DNAJC12: variants seen among roughly 807,000 people sequenced by gnomAD.
DNAJC12 encodes the protein dnaJ homolog subfamily C member 12.
A neutral mutation model predicts 28.5 loss-of-function variants in DNAJC12; 25 were observed. The observed-to-expected ratio is 0.88, with a 90% confidence interval of 0.64 to 1.22. DNAJC12 has a LOEUF of 1.22. Ranked by LOEUF, DNAJC12 falls within the 50% of genes most tolerant of loss-of-function variation. The pLI, the probability that DNAJC12 is intolerant of heterozygous loss-of-function variation, is 0.00. For synonymous variants in DNAJC12, 77 were observed against 80.6 expected, an observed-to-expected ratio of 0.95 and a Z score of 0.24; for missense variants, 222 against 231.7, an observed-to-expected ratio of 0.96 and a Z score of 0.27.
chr10:67,823,464 C>G (rs1229856823), intron 1 of DNAJC12, 72 bp from the exon 2 acceptor site: 6 of 1,299,450 alleles, frequency 4.6e-6, no homozygotes, highest in African/African-American at 1.5e-5. Context: ...AATCTCAACA[C>G]TTTGGGAGGC....
intron 1 of DNAJC12, among the ~76,000 whole-genome samples, chr10:67,823,898 C>T (rs1249844095): frequency 6.6e-6 from 1 of 152,084 alleles, no homozygotes; most frequent in Non-Finnish European, 1.5e-5. Context: ...GACAATTTAA[C>T]TACTTAATTT....
At chr10:67,826,449 A>AATGCATATATATAT (rs1389281274) in intron 1 of DNAJC12, among the ~76,000 whole-genome samples, 17 of 117,414 alleles carry the variant, frequency 1.4e-4, no homozygotes, top group African/African-American at 5.0e-4. Flanking sequence ...ATGCACTTTT[A>AATGCATATATATAT]ATGCATATAT....
intron 2 of DNAJC12, 132 bp downstream of exon 2, chr10:67,823,182 A>C: frequency 1.4e-6 from 1 of 704,864 alleles, no homozygotes; most frequent in Non-Finnish European, 2.4e-6. Flanking sequence ...TCTATCATCC[A>C]ATAGTGCAAA....
At chr10:67,834,838 A>C (rs1017528873) in intron 1 of DNAJC12, among the ~76,000 whole-genome samples, 1 of 151,884 alleles carries the variant, frequency 6.6e-6, no homozygotes, top group Non-Finnish European at 1.5e-5. Context: ...CAAAAATTTA[A>C]AAAAAAAATC....
intron 2 of DNAJC12, among the ~76,000 whole-genome samples, chr10:67,815,578 A>G (rs1467676712): frequency 2.0e-5 from 3 of 152,100 alleles, no homozygotes; most frequent in African/African-American, 7.2e-5. Context: ...AAACAAATGA[A>G]CAAATAAAAG....
Position 67,819,237 on chromosome 10 carries a change from G to A in DNAJC12, c.157+4077C>T, listed in dbSNP as rs1207435728. Among the ~76,000 whole-genome samples, 5 of 152,196 alleles carry A rather than the reference G, an allele frequency of 3.3e-5. No individual in the cohort carries two copies. The South Asian group carries it at 6.2e-4, about 19-fold the overall frequency. ...AGTCCCAGCTACTCGGGAGGCTGAG[G>A]CAGGAGAATGGCGTAAACCCGGGAG... On this transcript the variant is annotated intron_variant, in intron 2 of 4. Transcript: ENST00000225171.
chr10:67,800,980 A>T (rs1440848818), intron 4 of DNAJC12, among the ~76,000 whole-genome samples: 1 of 152,144 alleles, frequency 6.6e-6, no homozygotes, highest in African/African-American at 2.4e-5. Context: ...TTACTCCAAG[A>T]TGTTACACAA....
chr10:67,819,731 G>C (rs1362369963), intron 2 of DNAJC12, among the ~76,000 whole-genome samples: 1 of 21,056 alleles, frequency 4.7e-5, no homozygotes, highest in African/African-American at 1.9e-4. Flanking sequence ...AGGAAGGAAG[G>C]AAGGAAGGAA....
chr10:67,797,607 T>C (rs1841687608), intron 4 of DNAJC12, among the ~76,000 whole-genome samples: 1 of 152,164 alleles, frequency 6.6e-6, no homozygotes, highest in Non-Finnish European at 1.5e-5. Flanking sequence ...TCCATGGTAA[T>C]AAGATTTTTT....
intron 3 of DNAJC12, among the ~76,000 whole-genome samples, chr10:67,809,357 C>A (rs1841836192): frequency 6.6e-6 from 1 of 152,132 alleles, no homozygotes; most frequent in Non-Finnish European, 1.5e-5. Flanking sequence ...TGGGATAACT[C>A]TTCAGGTTAT....
chr10:67,815,508 C>CAAAAAAAA (rs762037586), intron 2 of DNAJC12, among the ~76,000 whole-genome samples: 2 of 65,768 alleles, frequency 3.0e-5, no homozygotes, highest in African/African-American at 1.1e-4. Flanking sequence ...TACTTCGTCT[C>CAAAAAAAA]AAAAAAAAAA....
intron 1 of DNAJC12, among the ~76,000 whole-genome samples, chr10:67,832,609 T>C (rs1042455087): frequency 4.6e-5 from 7 of 152,110 alleles, no homozygotes; most frequent in Non-Finnish European, 7.4e-5. Context: ...TACTGAAGAA[T>C]TTCCTTACTG....
At chr10:67,834,073 C>A in intron 1 of DNAJC12, 1 of 458,800 alleles carries the variant, frequency 2.2e-6, no homozygotes, top group South Asian at 1.6e-5. Flanking sequence ...ACTAGAAGGT[C>A]AAGCTAAAAA....
chr10:67,828,475 A>G (rs906345256), intron 1 of DNAJC12, among the ~76,000 whole-genome samples: 2 of 152,128 alleles, frequency 1.3e-5, no homozygotes, highest in South Asian at 2.1e-4. Context: ...TCTTTGTTAA[A>G]CTTCTGAGAA....
intron 4 of DNAJC12, among the ~76,000 whole-genome samples, 167 bp from the exon 5 acceptor site, chr10:67,797,377 T>A (rs1841684519): frequency 6.6e-6 from 1 of 152,208 alleles, no homozygotes; most frequent in Non-Finnish European, 1.5e-5. Context: ...TTAAACAGAC[T>A]GGAATTCTTA....
Position 67,822,833 on chromosome 10 carries a change from C to CA in DNAJC12, c.157+480dup, listed in dbSNP as rs557603216. ...TGAAACCCTGCCTACTAAAAAAATA[C>CA]AAAAAAAAAAAATTAGCTGGGCATG... On this transcript the variant is annotated intron_variant, in intron 2 of 4. Coordinates refer to ENST00000225171, the MANE Select transcript of DNAJC12 (RefSeq NM_021800.3). Among the ~76,000 whole-genome samples, 1,251 of 141,314 alleles carry CA rather than the reference C, an allele frequency of 8.9e-3. 7 individuals are homozygous for CA. Among genetic ancestry groups the CA allele is most frequent in the South Asian group, 0.02 (89 of 4,452 alleles). 92.7% of individuals were successfully genotyped at this position (141,314 alleles called of 152,430 possible). A position where few individuals can be genotyped will look rare whatever the true frequency, so the allele number is the denominator to read the frequency against.
In DNAJC12 at chr10:67,838,041, C is replaced by T. The variant is rs574436259; in HGVS notation, c.-30G>A. ...ATGACTTAATCAGTCCTTCTTCCCT[C>T]GGAAACAAGAGGCACAGTGAGCTTC... On this transcript the variant is annotated 5_prime_UTR_variant, in exon 1 of 5. Transcript: ENST00000225171. The T allele has an allele frequency of 6.8e-5, 101 of 1,488,910 alleles. 1 individual carries two copies. Among genetic ancestry groups the T allele is most frequent in the Admixed American group, 2.0e-4 (11 of 54,488 alleles). The allele number at this position is 1,488,910 out of a possible 1,614,324, so 92.2% of individuals were successfully genotyped here. A position where few individuals can be genotyped will look rare whatever the true frequency, so the allele number is the denominator to read the frequency against.
chr10:67,815,278 G>A (rs534772411), intron 2 of DNAJC12, among the ~76,000 whole-genome samples: 1 of 152,178 alleles, frequency 6.6e-6, no homozygotes, highest in Admixed American at 6.5e-5. Flanking sequence ...GGAGGCCAAG[G>A]TGGGCGGATC....
chr10:67,822,997 A>T (rs1841995156), intron 2 of DNAJC12, among the ~76,000 whole-genome samples: 1 of 152,118 alleles, frequency 6.6e-6, no homozygotes, highest in Non-Finnish European at 1.5e-5. Context: ...TCTCAAAAAA[A>T]AAAAAGACAA....
Sources: allele counts gnomAD v4.1 joint callset (sites outside exome capture counted in the v4.1 genomes callset), GRCh38; gene constraint gnomAD v4.1.1; transcripts MANE v1.5; gene names NCBI Gene and HGNC (gene_info 2026-07-23, HGNC 2026-07-21).